Variants in SNX27 observed in about 807,000 individuals in gnomAD.
The protein encoded by SNX27 is sorting nexin 27, also known as sorting nexin-27.
SNX27 carries 22 observed loss-of-function variants against 71.6 expected under a neutral mutation model. That is an observed-to-expected ratio of 0.31 (90% CI 0.22 to 0.44). The LOEUF is 0.44. Among genes scored for constraint, SNX27 ranks in the 20% least tolerant of loss-of-function variants. The pLI is 1.00. For synonymous variants in SNX27, 269 were observed against 277.2 expected (o/e 0.97, Z 0.29); for missense variants, 531 against 698.6 (o/e 0.76, Z 2.70).
rs556593979 is a variant in SNX27 at position 151,659,407 on chromosome 1, C to T, written c.736+980C>T. 4.1e-4 allele frequency among the ~76,000 whole-genome samples: 63 copies of T among 152,194 alleles called. 1 individual carries two copies. Among genetic ancestry groups the T allele is most frequent in the African/African-American group, 1.2e-3 (48 of 41,524 alleles). On this transcript the variant is annotated intron_variant, in intron 3 of 11. Transcript: ENST00000458013. Reference sequence around the variant, plus strand: ...GGACTACAGAAACGCACCACATGCCCGGCTGATTTTTGTATTTTTAGTAGA... The same window carrying T: ...GGACTACAGAAACGCACCACATGCCTGGCTGATTTTTGTATTTTTAGTAGA...
In SNX27 at chr1:151,665,896, A is replaced by G. The variant is rs769699341; in HGVS notation, c.907-37A>G. ...TTTTTCCTACAGCATTGTCTGACTT[A>G]ATTTTCTTGAAACCAATCTATCCTG... On this transcript the variant is annotated intron_variant, in intron 5 of 11. Coordinates refer to ENST00000458013, the MANE Select transcript of SNX27 (RefSeq NM_001330723.2). 3 of 1,544,492 alleles carry G rather than the reference A, an allele frequency of 1.9e-6. No homozygotes were observed. In the South Asian group the frequency reaches 3.4e-5, roughly 18 times the overall value.
chr1:151,674,059 G>T (rs1670557280), intron 7 of SNX27, among the ~76,000 whole-genome samples: 1 of 151,944 alleles, frequency 6.6e-6, no homozygotes, highest in Non-Finnish European at 1.5e-5. Flanking sequence ...TGATAAGTAA[G>T]GCCTTACTCT....
chr1:151,625,684 A>G (rs1211337134), intron 1 of SNX27, among the ~76,000 whole-genome samples: 1 of 151,528 alleles, frequency 6.6e-6, no homozygotes, highest in African/African-American at 2.4e-5. Flanking sequence ...TAAACACAAA[A>G]ATTAGCGGGA....
At chr1:151,665,035 A>T (rs1365436551) in intron 5 of SNX27, among the ~76,000 whole-genome samples, 1 of 152,218 alleles carries the variant, frequency 6.6e-6, no homozygotes, top group Non-Finnish European at 1.5e-5. Flanking sequence ...GTGAGCAGAT[A>T]TGAGAAGAAG....
Position 151,694,476 on chromosome 1 carries a change from A to C in SNX27, c.*59A>C, listed in dbSNP as rs1309993773. ...CATCCTCTTACTCCTTTCATGTCCCATTTCAGACAGAGTAACCATTAACAA... is the reference window on the plus strand; with the variant it reads ...CATCCTCTTACTCCTTTCATGTCCCCTTTCAGACAGAGTAACCATTAACAA... On this transcript the variant is annotated 3_prime_UTR_variant, in exon 12 of 12. Coordinates refer to ENST00000458013, the MANE Select transcript of SNX27 (RefSeq NM_001330723.2). 6.7e-7 allele frequency: 1 copy of C among 1,481,638 alleles called. No homozygotes were observed. The highest frequency in any genetic ancestry group is 2.2e-5 in the Admixed American group (1 of 46,090). The allele number at this position is 1,481,638 out of a possible 1,614,324, so 91.8% of individuals were successfully genotyped here.
chr1:151,637,470 G>A (rs1054484349), intron 1 of SNX27, among the ~76,000 whole-genome samples: 2 of 152,136 alleles, frequency 1.3e-5, no homozygotes, highest in African/African-American at 4.8e-5. Context: ...GAGCCACCGC[G>A]CCCGGCGCCT....
intron 2 of SNX27, among the ~76,000 whole-genome samples, chr1:151,654,303 C>G (rs1458247188): frequency 6.6e-6 from 1 of 152,116 alleles, no homozygotes; most frequent in African/African-American, 2.4e-5. Flanking sequence ...GTAGTTCACC[C>G]TTAGTCTTAG....
At chr1:151,668,684 A>G (rs781383726) in intron 7 of SNX27, 49 bp downstream of exon 7, 31 of 1,569,544 alleles carry the variant, frequency 2.0e-5, no homozygotes, top group East Asian at 2.2e-5. Context: ...TTATGTTTGA[A>G]TATAGTTGGT....
In SNX27 at chr1:151,612,635, C is replaced by A; in HGVS notation, c.311+123C>A. 1.3e-6 allele frequency: 1 copy of A among 768,448 alleles called. No homozygotes were observed. The highest frequency in any genetic ancestry group is 4.1e-5 in the South Asian group (1 of 24,320). 47.6% of individuals were successfully genotyped at this position (768,448 alleles called of 1,614,324 possible). A position where few individuals can be genotyped will look rare whatever the true frequency, so the allele number is the denominator to read the frequency against. On this transcript the variant is annotated intron_variant, in intron 1 of 11. Transcript: ENST00000458013. The surrounding 1 kb of genome is among the most constrained non-coding windows in gnomAD (Gnocchi z 5.2). ...AGCTCCGAGCCGGCCTCCGGACCCC[C>A]GCCCCTCAGGCCTCCGCAGCCGGGC...
Position 151,664,985 on chromosome 1 carries a change from A to ATAATGGACAT in SNX27, c.907-948_907-947insTAATGGACAT, listed in dbSNP as rs1229514117. 2.0e-5 allele frequency among the ~76,000 whole-genome samples: 3 copies of ATAATGGACAT among 152,216 alleles called. No individual in the cohort carries two copies. In the South Asian group the frequency reaches 6.2e-4, roughly 32 times the overall value. ...GTAATTTAGAATGCTTATAATGTCCAGTTCCTCTATCACATAATGGATGAA... is the reference window on the plus strand; with the variant it reads ...GTAATTTAGAATGCTTATAATGTCCATAATGGACATGTTCCTCTATCACATAATGGATGAA... On this transcript the variant is annotated intron_variant, in intron 5 of 11. Transcript: ENST00000458013.
intron 5 of SNX27, among the ~76,000 whole-genome samples, chr1:151,665,527 G>C (rs1670151785): frequency 6.6e-6 from 1 of 152,154 alleles, no homozygotes; most frequent in Non-Finnish European, 1.5e-5. Context: ...CTGAATGTGT[G>C]AAACTGGATA....
intron 7 of SNX27, among the ~76,000 whole-genome samples, chr1:151,673,104 C>G (rs886960056): frequency 1.3e-4 from 19 of 151,906 alleles, no homozygotes; most frequent in African/African-American, 4.6e-4. Context: ...GCATTTATAA[C>G]TATAAAATTC....
chr1:151,636,376 C>T (rs1668455935), intron 1 of SNX27, among the ~76,000 whole-genome samples: 1 of 152,166 alleles, frequency 6.6e-6, no homozygotes, highest in Admixed American at 6.5e-5. Context: ...ATCTAGCTCA[C>T]TGCAGCCTTG....
chr1:151,633,133 A>G (rs1454066681), intron 1 of SNX27, among the ~76,000 whole-genome samples: 1 of 151,886 alleles, frequency 6.6e-6, no homozygotes, highest in East Asian at 1.9e-4. Flanking sequence ...CAGCCTCCCA[A>G]AGTGCTGGGA....
intron 8 of SNX27, 75 bp from the exon 9 acceptor site, chr1:151,692,358 CTT>C: frequency 7.0e-7 from 1 of 1,420,658 alleles, no homozygotes; most frequent in Non-Finnish European, 9.1e-7. Context: ...CTCAATAGCT[CTT>C]TATTGTGTTT....
At position 151,612,616 on chromosome 1, in the gene SNX27, G is replaced by A; in HGVS notation, c.311+104G>A. ...CCAGGCCGCACCTCCCCCGAGCTCCGAGCCGGCCTCCGGACCCCCGCCCCT... is the reference window on the plus strand; with the variant it reads ...CCAGGCCGCACCTCCCCCGAGCTCCAAGCCGGCCTCCGGACCCCCGCCCCT... On this transcript the variant is annotated intron_variant, in intron 1 of 11. Coordinates refer to ENST00000458013, the MANE Select transcript of SNX27 (RefSeq NM_001330723.2). This position sits in a 1 kb window ranked among gnomAD's most constrained non-coding sequence, Gnocchi z 5.2. 1.1e-6 allele frequency: 1 copy of A among 921,114 alleles called. No homozygotes were observed. 57.1% of individuals were successfully genotyped at this position (921,114 alleles called of 1,614,324 possible).
intron 1 of SNX27, among the ~76,000 whole-genome samples, chr1:151,619,654 T>C (rs1488414463): frequency 6.6e-6 from 1 of 152,154 alleles, no homozygotes; most frequent in African/African-American, 2.4e-5. Flanking sequence ...TTCTGTTTTT[T>C]TGAGTGCTGG....
In SNX27 at chr1:151,652,286, A is replaced by G. The variant is rs147408295; in HGVS notation, c.544-5949A>G. ...GGAGAGGAAACTGAATCTTAATCTA[A>G]TTTTTCTCTTTAGATAATTTTTATG... On this transcript the variant is annotated intron_variant, in intron 2 of 11. Coordinates refer to ENST00000458013, the MANE Select transcript of SNX27 (RefSeq NM_001330723.2). Among the ~76,000 whole-genome samples, 291 of 149,318 alleles carry G rather than the reference A, an allele frequency of 1.9e-3. 2 individuals carry two copies. Among genetic ancestry groups the G allele is most frequent in the African/African-American group, 6.8e-3 (273 of 40,284 alleles).
At chr1:151,623,990 A>G (rs187660180) in intron 1 of SNX27, among the ~76,000 whole-genome samples, 29 of 152,248 alleles carry the variant, frequency 1.9e-4, no homozygotes, top group African/African-American at 6.5e-4. Context: ...GAGACAAGGT[A>G]TCACTCTTTC....
Sources: allele counts gnomAD v4.1 joint callset (sites outside exome capture counted in the v4.1 genomes callset), GRCh38; gene constraint gnomAD v4.1.1; non-coding constraint Gnocchi (gnomAD v3.1); transcripts MANE v1.5; gene names NCBI Gene and HGNC (gene_info 2026-07-23, HGNC 2026-07-21).